Variants in NBEAL1 observed in about 807,000 individuals in gnomAD.
The protein encoded by NBEAL1 is neurobeachin like 1, also known as neurobeachin-like protein 1.
NBEAL1 carries 273 observed loss-of-function variants against 351.3 expected under a neutral mutation model. The observed-to-expected ratio is 0.78, with a 90% CI of 0.70 to 0.86. The LOEUF (loss-of-function observed/expected upper bound fraction) is 0.86. Ranked by LOEUF, NBEAL1 falls within the 40% of genes least tolerant of loss-of-function variation. The pLI is 0.00. For synonymous variants in NBEAL1, 1,050 were observed against 1,086.4 expected, an observed-to-expected ratio of 0.97 and a Z score of 0.66; for missense variants, 2,961 against 3,201.3, an observed-to-expected ratio of 0.92 and a Z score of 1.81.
intron 7 of NBEAL1, among the ~76,000 whole-genome samples, chr2:203,076,558 A>G (rs1056536370): frequency 1.4e-4 from 21 of 147,162 alleles, no homozygotes; most frequent in Non-Finnish European, 2.2e-4. Flanking sequence ...CAAAAAAAGT[A>G]TGATGCAGGA....
At chr2:203,112,227 A>G (rs1176531325) in intron 16 of NBEAL1, 129 bp downstream of exon 16, 18 of 872,326 alleles carry the variant, frequency 2.1e-5, no homozygotes, top group Non-Finnish European at 3.0e-5. Flanking sequence ...TCTATGTAGT[A>G]AGACTCCACA....
intron 17 of NBEAL1, among the ~76,000 whole-genome samples, chr2:203,114,269 T>G (rs1228583488): frequency 6.6e-6 from 1 of 152,208 alleles, no homozygotes; most frequent in African/African-American, 2.4e-5. Context: ...TAGGGGGACA[T>G]AGTCAGTCCA....
In NBEAL1 at chr2:203,125,496, G is replaced by C. The variant is rs918594750; in HGVS notation, c.2827G>C (p.Val943Leu). The change falls in exon 20 of 56, where the codon GTA (valine) becomes CTA (leucine). Residue 943 changes from valine (V) to leucine (L), a missense_variant. Physicochemically the swap from Val to Leu is conservative, Grantham distance 32. Coordinates refer to ENST00000683969, the MANE Select transcript of NBEAL1 (RefSeq NM_001378026.1). The stretch of plus-strand genomic sequence containing the variant: ...AACACCTGTTGAAGGAGATTGGCTC[G>C]TATGGACTTCCACAAAGGCCTCAGG... ...SVTPVEGDWL[V>L]WTSTKASESR... is the part of the protein sequence containing the mutation. 9.2e-6 allele frequency: 14 copies of C among 1,517,518 alleles called. No individual in the cohort carries two copies. Among genetic ancestry groups the C allele is most frequent in the African/African-American group, 4.2e-5 (3 of 71,278 alleles). 94.0% of individuals were successfully genotyped at this position (1,517,518 alleles called of 1,614,324 possible).
chr2:203,062,428 C>T lies in NBEAL1; in HGVS notation c.515+4975C>T. ...TGTTCCAGCTTCCAGCATGCTCCAG[C>T]ATCCTGCCCAGGGATCTTGCAGGGC... On this transcript the variant is annotated intron_variant, in intron 6 of 55. Transcript: ENST00000683969. The surrounding 1 kb of genome is among the most constrained non-coding windows in gnomAD (Gnocchi z 4.2). 1 of 394,694 alleles carries T rather than the reference C, an allele frequency of 2.5e-6. No homozygotes were observed. The allele number at this position is 394,694 out of a possible 1,614,324, so 24.4% of individuals were successfully genotyped here.
intron 7 of NBEAL1, among the ~76,000 whole-genome samples, chr2:203,068,679 A>T (rs185095280): frequency 7.6e-4 from 116 of 152,196 alleles, no homozygotes; most frequent in Middle Eastern, 3.4e-3. Flanking sequence ...TTCTCAAAAA[A>T]TTTTTTTAGA....
intron 35 of NBEAL1, among the ~76,000 whole-genome samples, chr2:203,152,826 A>G (rs2063693804): frequency 6.6e-6 from 1 of 151,692 alleles, no homozygotes; most frequent in African/African-American, 2.4e-5. Context: ...ACCTGAGGTC[A>G]GGAGCTCGAG....
chr2:203,158,658 C>T (rs2063860153), intron 36 of NBEAL1, among the ~76,000 whole-genome samples: 1 of 151,988 alleles, frequency 6.6e-6, no homozygotes, highest in Non-Finnish European at 1.5e-5. Flanking sequence ...AGGAGGAAAA[C>T]AAATATATGT....
rs780678762 is a variant in NBEAL1 at position 203,136,068 on chromosome 2, T to C, written c.4205T>C (p.Leu1402Ser). 1.9e-6 allele frequency: 3 copies of C among 1,613,902 alleles called. No homozygotes were observed. The African/African-American group carries it at 4.0e-5, about 22-fold the overall frequency. ...FWHSNPSHLS[L>S]DLSGIDSCEM... ...CATAGTAACCCTTCACATTTGAGTT[T>C]AGACCTCAGTGGAATTGACTCATGT... is the stretch of plus-strand genomic sequence containing the variant. The change falls in exon 28 of 56, where the codon TTA becomes TCA. Residue 1402 changes from leucine to serine, a missense_variant. Leu to Ser is a moderately radical substitution (Grantham distance 145, BLOSUM62 -2). Transcript: ENST00000683969.
chr2:203,140,915 G>A (rs1299804390), intron 31 of NBEAL1, among the ~76,000 whole-genome samples: 2 of 152,028 alleles, frequency 1.3e-5, no homozygotes, highest in South Asian at 4.1e-4. Flanking sequence ...GGAGTCAGAG[G>A]TTGCAGTGAG....
In NBEAL1 at chr2:203,028,588, T is replaced by C. The variant is rs10202863; in HGVS notation, c.51+12153T>C. ...TGAAACTTGAAGATCATTTCAAGTT[T>C]CATGGAATGTTTTAAACTCCATTTG... On this transcript the variant is annotated intron_variant, in intron 2 of 55. Coordinates refer to ENST00000683969, the MANE Select transcript of NBEAL1 (RefSeq NM_001378026.1). Among the ~76,000 whole-genome samples the C allele has an allele frequency of 4.7e-3, 712 of 151,520 alleles. 6 individuals are homozygous for C. The highest frequency in any genetic ancestry group is 0.016 in the African/African-American group (683 of 41,428).
intron 35 of NBEAL1, among the ~76,000 whole-genome samples, chr2:203,154,510 C>T (rs149414241): frequency 6.6e-6 from 1 of 152,140 alleles, no homozygotes; most frequent in East Asian, 1.9e-4. Flanking sequence ...GTTTTACTTA[C>T]TCCAATACTG....
At position 203,217,486 on chromosome 2, in the gene NBEAL1, T is replaced by G; in HGVS notation, c.*132T>G. On this transcript the variant is annotated 3_prime_UTR_variant, in exon 56 of 56. Coordinates refer to ENST00000683969, the MANE Select transcript of NBEAL1 (RefSeq NM_001378026.1). ...AAATCATTTACAGATAACCACAATT[T>G]GCTGTGGTATATAAACTAATTCTTG... 3.8e-6 allele frequency: 5 copies of G among 1,315,982 alleles called. No individual in the cohort carries two copies. The highest frequency in any genetic ancestry group is 3.9e-6 in the Non-Finnish European group (4 of 1,030,424). 81.5% of individuals were successfully genotyped at this position (1,315,982 alleles called of 1,614,324 possible).
chr2:203,019,525 T>G (rs1036009432), intron 2 of NBEAL1, among the ~76,000 whole-genome samples: 1 of 152,212 alleles, frequency 6.6e-6, no homozygotes, highest in Non-Finnish European at 1.5e-5. Flanking sequence ...CACAAAACAT[T>G]GTATACATAC....
intron 36 of NBEAL1, among the ~76,000 whole-genome samples, chr2:203,164,133 T>C (rs2064056333): frequency 6.6e-6 from 1 of 151,966 alleles, no homozygotes; most frequent in African/African-American, 2.4e-5. Flanking sequence ...ATACATGTGA[T>C]TAAAAACTAA....
At chr2:203,149,394 T>C (rs1416644044) in intron 34 of NBEAL1, among the ~76,000 whole-genome samples, 1 of 152,136 alleles carries the variant, frequency 6.6e-6, no homozygotes. Flanking sequence ...GACTTTAGAC[T>C]CTTAGAGAGT....
chr2:203,136,165 AT>A lies in NBEAL1; in HGVS notation c.4303del (p.Ser1435ArgfsTer39). The A allele has an allele frequency of 6.2e-7, 1 of 1,613,988 alleles. No homozygotes were observed. The highest frequency in any genetic ancestry group is 8.5e-7 in the Non-Finnish European group (1 of 1,179,954). ...CACCATCCCCAGTAGAGTCTACTAA[AT>A]CGTTTTCTGTGCACTCTGACAGAGA... is the stretch of plus-strand genomic sequence containing the variant. ...STPSPVESTK[S>X]FSVHSDRESS... is the part of the protein sequence containing the mutation. On this transcript the variant is annotated frameshift_variant, in exon 28 of 56. Transcript: ENST00000683969. LOFTEE classifies it high-confidence loss of function.
chr2:203,081,637 G>A (rs968017356), intron 8 of NBEAL1, among the ~76,000 whole-genome samples: 1 of 152,166 alleles, frequency 6.6e-6, no homozygotes, highest in Admixed American at 6.5e-5. Context: ...TGGTGCCTCT[G>A]GGATCTTCAG....
Position 203,138,664 on chromosome 2 carries a change from C to T in NBEAL1, c.4764C>T (p.Cys1588=). 6.2e-7 allele frequency: 1 copy of T among 1,612,716 alleles called. No individual in the cohort carries two copies. The highest frequency in any genetic ancestry group is 8.5e-7 in the Non-Finnish European group (1 of 1,179,440). Residue 1588 remains cysteine, a synonymous_variant, in exon 31 of 56, where the codon TGC becomes TGT. Transcript: ENST00000683969. The part of the protein sequence containing the change: ...MMLLFDCLSV[C]YSESPVWVKL... ...TGCTCTTTGACTGTCTGTCAGTCTG[C>T]TATTCTGAAAGTCCAGTATGGGTAA...
intron 2 of NBEAL1, chr2:203,040,297 T>G: frequency 1.3e-6 from 1 of 759,600 alleles, no homozygotes; most frequent in Non-Finnish European, 2.3e-6. Flanking sequence ...GAGGCAGAAA[T>G]GTGACAAGGT....
Sources: allele counts gnomAD v4.1 joint callset (sites outside exome capture counted in the v4.1 genomes callset), GRCh38; gene constraint gnomAD v4.1.1; non-coding constraint Gnocchi (gnomAD v3.1); transcripts MANE v1.5; gene names NCBI Gene and HGNC (gene_info 2026-07-23, HGNC 2026-07-21).